Variants in SMARCAD1 observed in about 807,000 individuals in gnomAD.
The protein encoded by SMARCAD1 is SWI/SNF-related matrix-associated actin-dependent regulator of chromatin subfamily A containing DEAD/H box 1.
Under a neutral mutation model 127.1 loss-of-function variants are expected in SMARCAD1, and 25 were observed. The ratio of observed to expected loss-of-function variants is 0.20; its 90% CI spans 0.14 to 0.27. The LOEUF (loss-of-function observed/expected upper bound fraction) is 0.27. Ranked by LOEUF, SMARCAD1 falls within the 10% of genes least tolerant of loss-of-function variation. The pLI, the probability that SMARCAD1 is intolerant of heterozygous loss-of-function variation, is 1.00. For synonymous variants in SMARCAD1, 400 were observed against 396.9 expected (o/e 1.01, Z -0.09); for missense variants, 807 against 1,206.0 (o/e 0.67, Z 4.90).
intron 2 of SMARCAD1, among the ~76,000 whole-genome samples, chr4:94,213,664 G>C (rs771456610): frequency 6.6e-6 from 1 of 152,118 alleles, no homozygotes; most frequent in Non-Finnish European, 1.5e-5. Context: ...TAAATGATAC[G>C]CATTTGATGA....
At chr4:94,275,784 C>T (rs955930469) in intron 14 of SMARCAD1, among the ~76,000 whole-genome samples, 7 of 100,328 alleles carry the variant, frequency 7.0e-5, no homozygotes, top group Non-Finnish European at 1.1e-4. Context: ...CCGATTGTAA[C>T]ATTAACATTT....
At chr4:94,286,844 T>A (rs962901735) in intron 23 of SMARCAD1, among the ~76,000 whole-genome samples, 6 of 152,344 alleles carry the variant, frequency 3.9e-5, no homozygotes, top group Admixed American at 6.5e-5. Context: ...AGCTTTGAAG[T>A]GTTTAGTTAT....
At chr4:94,289,450 T>TATAA in intron 23 of SMARCAD1, 23 bp from the exon 24 acceptor site, 1 of 1,599,366 alleles carries the variant, frequency 6.3e-7, no homozygotes, top group South Asian at 1.1e-5. Flanking sequence ...ATAAAGCTTT[T>TATAA]AATGCTACTT....
At chr4:94,246,157 T>C (rs1403516634) in intron 6 of SMARCAD1, among the ~76,000 whole-genome samples, 5 of 151,546 alleles carry the variant, frequency 3.3e-5, no homozygotes, top group African/African-American at 4.9e-5. Context: ...TCTCGCACTG[T>C]TGTCTGGGCT....
At chr4:94,286,354 ATGGC>A (rs1366675855) in intron 23 of SMARCAD1, among the ~76,000 whole-genome samples, 1 of 152,142 alleles carries the variant, frequency 6.6e-6, no homozygotes, top group Non-Finnish European at 1.5e-5. Flanking sequence ...TTTGGAGCAA[ATGGC>A]TGGCTCTCTT....
At chr4:94,282,253 C>T (rs868241175) in intron 21 of SMARCAD1, among the ~76,000 whole-genome samples, 15 of 125,728 alleles carry the variant, frequency 1.2e-4, no homozygotes, top group African/African-American at 3.9e-4. Flanking sequence ...CCTGCTACCA[C>T]GCCCGGCTAA....
At chr4:94,216,068 G>A (rs1408524105) in intron 2 of SMARCAD1, among the ~76,000 whole-genome samples, 1 of 152,130 alleles carries the variant, frequency 6.6e-6, no homozygotes, top group Non-Finnish European at 1.5e-5. Flanking sequence ...GGTGCTGCAA[G>A]ATTAGGTATC....
chr4:94,240,692 G>A (rs539475715), intron 5 of SMARCAD1, among the ~76,000 whole-genome samples: 21 of 152,210 alleles, frequency 1.4e-4, no homozygotes, highest in African/African-American at 5.1e-4. Flanking sequence ...GATGGTTTAT[G>A]AATATAGTAT....
At chr4:94,273,877 A>G (rs917887662) in intron 12 of SMARCAD1, among the ~76,000 whole-genome samples, 161 bp downstream of exon 12, 48 of 152,142 alleles carry the variant, frequency 3.2e-4, no homozygotes, top group Non-Finnish European at 1.3e-4. Flanking sequence ...CTTTGTTTAT[A>G]TATGTGTGTT....
chr4:94,218,859 T>A (rs11934625), intron 2 of SMARCAD1, among the ~76,000 whole-genome samples: 1,568 of 152,276 alleles, frequency 0.01, 25 homozygotes, highest in African/African-American at 0.035. Context: ...TCACCCAGGC[T>A]GGAGTGTGGT....
At position 94,252,697 on chromosome 4, in the gene SMARCAD1, C is replaced by G. The variant is rs150825146; in HGVS notation, c.971C>G (p.Thr324Ser). 204 of 1,588,872 alleles carry G rather than the reference C, an allele frequency of 1.3e-4. No individual in the cohort carries two copies. The highest frequency in any genetic ancestry group is 1.7e-4 in the Non-Finnish European group (201 of 1,170,340). ...SRSQNYPKNA[T>S]KTKLKQKFSM... is the part of the protein sequence containing the mutation. ...AGTCAAAATTACCCTAAAAATGCAA[C>G]TAAAACAAAACTAAAACAGAAATTT... Residue 324 changes from threonine (T) to serine (S), a missense_variant, in exon 9 of 24, where the codon ACT becomes AGT. By Grantham distance (58) the Thr-to-Ser change is moderately conservative. This residue lies in a region of SMARCAD1 where 257 missense variants were observed against 303.4 expected (regional missense o/e 0.85). Transcript: ENST00000354268.
intron 9 of SMARCAD1, among the ~76,000 whole-genome samples, chr4:94,257,091 T>C (rs1027882603): frequency 3.9e-5 from 6 of 152,202 alleles, no homozygotes; most frequent in Non-Finnish European, 8.8e-5. Flanking sequence ...AAAAAGTCCT[T>C]TGAGTAGTCA....
chr4:94,265,003 T>G, intron 10 of SMARCAD1, 97 bp downstream of exon 10: 1 of 1,220,040 alleles, frequency 8.2e-7, no homozygotes, highest in Non-Finnish European at 1.2e-6. Context: ...ATATGGCAAC[T>G]AGTGGTAGGA....
chr4:94,283,777 A>T (rs904679582), intron 22 of SMARCAD1, among the ~76,000 whole-genome samples: 1 of 151,972 alleles, frequency 6.6e-6, no homozygotes, highest in Admixed American at 6.6e-5. Context: ...GTGAGCCGAG[A>T]TCACCACCAC....
At chr4:94,275,453 T>G (rs35270685) in intron 14 of SMARCAD1, among the ~76,000 whole-genome samples, 225 of 152,312 alleles carry the variant, frequency 1.5e-3, no homozygotes, top group Non-Finnish European at 2.5e-3. Flanking sequence ...GTTACATTAG[T>G]TGATTTATTT....
chr4:94,226,388 CT>C (rs780838480), intron 3 of SMARCAD1, 92 bp downstream of exon 3: 1,549 of 649,228 alleles, frequency 2.4e-3, no homozygotes, highest in Admixed American at 3.3e-3. Context: ...GGTGACTTCC[CT>C]TTTTTTTTTT....
At chr4:94,220,905 A>C (rs546946483) in intron 2 of SMARCAD1, among the ~76,000 whole-genome samples, 116 of 152,364 alleles carry the variant, frequency 7.6e-4, no homozygotes, top group African/African-American at 2.7e-3. Context: ...TGAAGTACGC[A>C]TCACTGCATA....
intron 2 of SMARCAD1, 87 bp downstream of exon 2, chr4:94,208,671 T>G: frequency 8.0e-7 from 1 of 1,257,018 alleles, no homozygotes; most frequent in Non-Finnish European, 1.1e-6. Flanking sequence ...TTATTCTTGA[T>G]GTCATATATA....
At chr4:94,241,919 ATGATCTTGTATACC>A (rs1747636522) in intron 6 of SMARCAD1, among the ~76,000 whole-genome samples, 1 of 152,140 alleles carries the variant, frequency 6.6e-6, no homozygotes, top group African/African-American at 2.4e-5. Context: ...CACAAAATGG[ATGATCTTGTATACC>A]TGATCTTTAA....
Sources: allele counts gnomAD v4.1 joint callset (sites outside exome capture counted in the v4.1 genomes callset), GRCh38; gene constraint gnomAD v4.1.1; regional missense constraint gnomAD v4.1.1; transcripts MANE v1.5; gene names NCBI Gene and HGNC (gene_info 2026-07-23, HGNC 2026-07-21).